Variants in METTL15 observed in about 807,000 individuals in gnomAD.
The protein encoded by METTL15 is 12S rRNA N(4)-cytidine methyltransferase METTL15.
In METTL15, 34 loss-of-function variants were observed where a neutral mutation model predicts 38.3. The ratio of observed to expected loss-of-function variants is 0.89; its 90% confidence interval spans 0.68 to 1.18. The LOEUF (loss-of-function observed/expected upper bound fraction) is 1.18. METTL15 is among the 50% of genes most tolerant of loss of function. The probability of loss-of-function intolerance (pLI) is 0.00; values close to 1 mark genes in which losing one functional copy is unlikely to be tolerated. For missense variants in METTL15, 438 were observed against 498.4 expected (o/e 0.88, Z 1.15); for synonymous variants, 162 against 170.9 (o/e 0.95, Z 0.41).
intron 4 of METTL15, among the ~76,000 whole-genome samples, chr11:28,271,100 A>C (rs916634278): frequency 1.3e-5 from 2 of 152,166 alleles, no homozygotes; most frequent in African/African-American, 2.4e-5. Context: ...AAATCTATTA[A>C]GTCTAGCCCT....
chr11:28,250,489 T>G (rs769425208), intron 4 of METTL15, among the ~76,000 whole-genome samples: 2 of 152,044 alleles, frequency 1.3e-5, no homozygotes, highest in Non-Finnish European at 2.9e-5. Flanking sequence ...TTTTTTCATA[T>G]GCCTTTGGCC....
At chr11:28,441,601 C>T (rs1429436843) in intron 6 of METTL15, among the ~76,000 whole-genome samples, 1 of 152,144 alleles carries the variant, frequency 6.6e-6, no homozygotes, top group African/African-American at 2.4e-5. Context: ...GTTCTATTCT[C>T]AATGTCCTTA....
chr11:28,156,975 A>G (rs991241735), intron 3 of METTL15, among the ~76,000 whole-genome samples: 5 of 152,360 alleles, frequency 3.3e-5, no homozygotes, highest in African/African-American at 1.2e-4. Context: ...GATATAAGAT[A>G]AATGGTATTT....
chr11:28,295,761 A>T (rs572730869), intron 5 of METTL15, among the ~76,000 whole-genome samples: 2 of 152,142 alleles, frequency 1.3e-5, no homozygotes, highest in African/African-American at 4.8e-5. Context: ...ATATTTTAGT[A>T]TTTTTAAGGA....
intron 6 of METTL15, among the ~76,000 whole-genome samples, chr11:28,313,983 A>G (rs1422031685): frequency 6.6e-6 from 1 of 152,176 alleles, no homozygotes; most frequent in Non-Finnish European, 1.5e-5. Context: ...ACTGGGCACT[A>G]TTTCTACAGC....
intron 6 of METTL15, among the ~76,000 whole-genome samples, chr11:28,523,068 AT>A (rs928490180): frequency 2.0e-5 from 3 of 152,224 alleles, no homozygotes; most frequent in African/African-American, 7.2e-5. Flanking sequence ...GGCAAGACGG[AT>A]TATAAACCAA....
chr11:28,110,775 A>T (rs916439411), intron 2 of METTL15, among the ~76,000 whole-genome samples: 8 of 152,208 alleles, frequency 5.3e-5, no homozygotes, highest in African/African-American at 1.9e-4. Context: ...AGTATCCTTC[A>T]TGGGCATCAC....
At chr11:28,207,382 T>C (rs1016129168) in intron 3 of METTL15, among the ~76,000 whole-genome samples, 1 of 152,132 alleles carries the variant, frequency 6.6e-6, no homozygotes, top group African/African-American at 2.4e-5. Flanking sequence ...GGTTTTTGTC[T>C]TTGGTTCTGT....
At chr11:28,383,786 C>T (rs796896500) in intron 5 of METTL15, among the ~76,000 whole-genome samples, 1 of 151,940 alleles carries the variant, frequency 6.6e-6, no homozygotes, top group African/African-American at 2.4e-5. Context: ...CTATTAGTGT[C>T]CTTTGACCAC....
chr11:28,450,964 C>G (rs565121787), intron 6 of METTL15, among the ~76,000 whole-genome samples: 9 of 152,250 alleles, frequency 5.9e-5, no homozygotes, highest in African/African-American at 2.2e-4. Flanking sequence ...AACCATGGCT[C>G]AAACAGGTTA....
chr11:28,250,056 A>C (rs1854672291), intron 4 of METTL15, among the ~76,000 whole-genome samples: 1 of 152,048 alleles, frequency 6.6e-6, no homozygotes, highest in South Asian at 2.1e-4. Flanking sequence ...ACACGATCTT[A>C]TTCTTTTTTA....
At chr11:28,269,826 G>A (rs1855571485) in intron 4 of METTL15, among the ~76,000 whole-genome samples, 1 of 152,208 alleles carries the variant, frequency 6.6e-6, no homozygotes. Context: ...TGACTCCTGA[G>A]CCGGCCTAGT....
At chr11:28,394,176 G>T (rs776182197) in intron 5 of METTL15, among the ~76,000 whole-genome samples, 2 of 152,060 alleles carry the variant, frequency 1.3e-5, no homozygotes, top group Non-Finnish European at 2.9e-5. Context: ...AGAGAAGGCA[G>T]TAAGGGAAGG....
At chr11:28,277,331 A>G (rs1161123050) in intron 4 of METTL15, among the ~76,000 whole-genome samples, 1 of 152,210 alleles carries the variant, frequency 6.6e-6, no homozygotes, top group Non-Finnish European at 1.5e-5. Context: ...AATCAATCTA[A>G]GTGTTCATCA....
At chr11:28,322,017 C>T (rs1255298812) in intron 6 of METTL15, among the ~76,000 whole-genome samples, 2 of 151,402 alleles carry the variant, frequency 1.3e-5, no homozygotes, top group Non-Finnish European at 3.0e-5. Flanking sequence ...TAGATTTGAA[C>T]CTCATATACT....
rs192291484 is a variant in METTL15 at position 28,166,565 on chromosome 11, C to T, written c.271-44497C>T. Among the ~76,000 whole-genome samples, 256 of 152,252 alleles carry T rather than the reference C, an allele frequency of 1.7e-3. 2 individuals are homozygous for T. Among genetic ancestry groups the T allele is most frequent in the African/African-American group, 5.8e-3 (240 of 41,562 alleles). Reference sequence around the variant, plus strand: ...AGTTTAAATTCTGAATTCTAGAGAACTTACGTTCTGGTTCAGGATTCATTT... The same window carrying T: ...AGTTTAAATTCTGAATTCTAGAGAATTTACGTTCTGGTTCAGGATTCATTT... On this transcript the variant is annotated intron_variant, in intron 3 of 6. Coordinates refer to ENST00000407364, the MANE Select transcript of METTL15 (RefSeq NM_001113528.2).
intron 6 of METTL15, among the ~76,000 whole-genome samples, chr11:28,433,010 G>A (rs1001314638): frequency 2.0e-5 from 3 of 150,276 alleles, no homozygotes; most frequent in Admixed American, 2.0e-4. Context: ...TATCAAAGAT[G>A]CCAAAAACCT....
At chr11:28,124,944 G>A (rs1852410224) in intron 3 of METTL15, among the ~76,000 whole-genome samples, 1 of 151,940 alleles carries the variant, frequency 6.6e-6, no homozygotes, top group South Asian at 2.1e-4. Context: ...ACATTTTTTA[G>A]TAGAAAAACT....
chr11:28,320,541 TAGTG>T (rs748913388), intron 6 of METTL15, among the ~76,000 whole-genome samples: 25 of 151,922 alleles, frequency 1.6e-4, no homozygotes, highest in East Asian at 5.8e-4. Flanking sequence ...GCTTGGGTGA[TAGTG>T]AGACCCTGTG....
Sources: allele counts gnomAD v4.1 joint callset (sites outside exome capture counted in the v4.1 genomes callset), GRCh38; gene constraint gnomAD v4.1.1; transcripts MANE v1.5; gene names NCBI Gene and HGNC (gene_info 2026-07-23, HGNC 2026-07-21).